RANBP3: variants seen among roughly 807,000 people sequenced by gnomAD.
RANBP3 encodes RAN binding protein 3.
Under a neutral mutation model 77.3 loss-of-function variants are expected in RANBP3, and 14 were observed. That is an observed-to-expected ratio of 0.18 (90% CI 0.12 to 0.28). The LOEUF (loss-of-function observed/expected upper bound fraction) is 0.28, where lower values mean the gene tolerates loss of function less well. RANBP3 is among the 10% of genes least tolerant of loss of function. RANBP3 has a pLI of 1.00. For synonymous variants in RANBP3, 315 were observed against 312.4 expected (o/e 1.01, Z -0.09); for missense variants, 586 against 752.3 (o/e 0.78, Z 2.59).
chr19:5,967,516 G>C (rs544030797), intron 1 of RANBP3, among the ~76,000 whole-genome samples: 2 of 152,048 alleles, frequency 1.3e-5, no homozygotes, highest in African/African-American at 2.4e-5. Flanking sequence ...CATCATAGAC[G>C]CATCCCCATG....
chr19:5,925,009 A>C, intron 10 of RANBP3, 104 bp from the exon 11 acceptor site: 15 of 1,036,696 alleles, frequency 1.4e-5, no homozygotes, highest in Non-Finnish European at 1.8e-5. Context: ...GGCACAGTGG[A>C]GGGGCCTCCG....
chr19:5,951,336 C>A (rs1438540406), intron 3 of RANBP3, 57 bp downstream of exon 3: 13 of 1,464,886 alleles, frequency 8.9e-6, no homozygotes, highest in Non-Finnish European at 1.2e-5. Flanking sequence ...GGGAAAGTGG[C>A]TGGTCTGGGT....
intron 5 of RANBP3, among the ~76,000 whole-genome samples, chr19:5,936,072 T>G (rs1568458064): frequency 6.6e-6 from 1 of 152,232 alleles, no homozygotes; most frequent in Non-Finnish European, 1.5e-5. Context: ...AAGTGATGTC[T>G]GTGGGAAGCC....
chr19:5,969,111 GGGA>G lies in RANBP3; in HGVS notation c.22+8947_22+8949del, dbSNP rs1436773020. Among the ~76,000 whole-genome samples, 14 of 152,310 alleles carry G rather than the reference GGGA, an allele frequency of 9.2e-5. 1 individual carries two copies. In the South Asian group the frequency reaches 1.7e-3, roughly 18 times the overall value. ...AGAGCCTGGAGGCCCATGTTTGGAG[GGGA>G]GGAGAACGGGAAGGGCTGGGTGGAG... On this transcript the variant is annotated intron_variant, in intron 1 of 16. Coordinates refer to ENST00000340578, the MANE Select transcript of RANBP3 (RefSeq NM_007322.3).
chr19:5,957,979 A>G lies in RANBP3; in HGVS notation c.23-6T>C. 1 of 1,614,226 alleles carries G rather than the reference A, an allele frequency of 6.2e-7. No individual in the cohort carries two copies. Among genetic ancestry groups the G allele is most frequent in the Non-Finnish European group, 8.5e-7 (1 of 1,180,032 alleles). ...CGGAGCAATGGCAGGCTTTTCTGCAAAAAGAAAAATTAGTTTTTTTCCCCC... is the reference window on the plus strand; with the variant it reads ...CGGAGCAATGGCAGGCTTTTCTGCAGAAAGAAAAATTAGTTTTTTTCCCCC... On this transcript the variant is annotated splice_polypyrimidine_tract_variant and splice_region_variant and intron_variant, in intron 1 of 16. Transcript: ENST00000340578.
At chr19:5,960,491 A>T (rs1318989399) in intron 1 of RANBP3, among the ~76,000 whole-genome samples, 1 of 152,200 alleles carries the variant, frequency 6.6e-6, no homozygotes, top group Admixed American at 6.5e-5. Context: ...ACCCATTAAG[A>T]TATAAACTCC....
intron 2 of RANBP3, among the ~76,000 whole-genome samples, chr19:5,955,498 G>A (rs1291198670): frequency 6.6e-6 from 1 of 152,190 alleles, no homozygotes; most frequent in Non-Finnish European, 1.5e-5. Context: ...GGTCATACAT[G>A]CAAATTAGCC....
chr19:5,957,268 T>C (rs1278733095), intron 2 of RANBP3, among the ~76,000 whole-genome samples: 1 of 152,174 alleles, frequency 6.6e-6, no homozygotes, highest in African/African-American at 2.4e-5. Context: ...CGTTGTCTTA[T>C]CACAGAACCC....
intron 2 of RANBP3, among the ~76,000 whole-genome samples, chr19:5,957,063 T>C (rs1035406508): frequency 2.6e-5 from 4 of 151,758 alleles, no homozygotes; most frequent in Admixed American, 6.6e-5. Context: ...TTGCAGCGGG[T>C]ATGAGGTGGG....
chr19:5,956,850 G>A (rs145921098), intron 2 of RANBP3, among the ~76,000 whole-genome samples: 2 of 152,356 alleles, frequency 1.3e-5, no homozygotes, highest in African/African-American at 4.8e-5. Flanking sequence ...AGCCACAGGA[G>A]AATGGAGTTG....
At position 5,923,891 on chromosome 19, in the gene RANBP3, G is replaced by A; in HGVS notation, c.1020C>T (p.Val340=). 2 of 1,614,156 alleles carry A rather than the reference G, an allele frequency of 1.2e-6. No homozygotes were observed. Among genetic ancestry groups the A allele is most frequent in the South Asian group, 1.1e-5 (1 of 91,086 alleles). Residue 340 remains valine, a synonymous_variant, in exon 12 of 17, where the codon GTC becomes GTT. Transcript: ENST00000340578. The part of the protein sequence containing the change: ...RVLSPPKLNE[V]SSDANRENAA... ...CATTTTCCCTGTTGGCATCTGAACT[G>A]ACCTCGTTTAATTTTGGGGGGCTCT...
At chr19:5,944,801 C>T (rs1339521158) in intron 3 of RANBP3, among the ~76,000 whole-genome samples, 3 of 152,230 alleles carry the variant, frequency 2.0e-5, no homozygotes, top group Non-Finnish European at 4.4e-5. Context: ...CCCAGGACAT[C>T]CCCACCCCCA....
Position 5,932,741 on chromosome 19 carries a change from C to G in RANBP3, c.473-197G>C. On this transcript the variant is annotated intron_variant, in intron 6 of 16. Transcript: ENST00000340578. ...CTACTGTTATTTTTACATGTGATTA[C>G]ATGAAACTCCCAGTGACCGACGCCT... The G allele has an allele frequency of 5.2e-6, 3 of 578,078 alleles. No homozygotes were observed. The East Asian group carries it at 8.8e-5, about 17-fold the overall frequency. The allele number at this position is 578,078 out of a possible 1,614,324, so 35.8% of individuals were successfully genotyped here.
Position 5,921,153 on chromosome 19 carries a change from G to C in RANBP3, c.1330+48C>G, listed in dbSNP as rs772758509. The C allele has an allele frequency of 3.2e-6, 5 of 1,585,312 alleles. No homozygotes were observed. In the African/African-American group the frequency reaches 4.0e-5, roughly 13 times the overall value. On this transcript the variant is annotated intron_variant, in intron 14 of 16. Coordinates refer to ENST00000340578, the MANE Select transcript of RANBP3 (RefSeq NM_007322.3). This position sits in a 1 kb window ranked among gnomAD's most constrained non-coding sequence, Gnocchi z 5.3. ...TCCCTTTGGAATTGCATAGTCCCCA[G>C]CCCTCCCCATGGGGACCCGGCCACA...
chr19:5,976,930 G>A (rs2058599226), intron 1 of RANBP3, among the ~76,000 whole-genome samples: 3 of 152,140 alleles, frequency 2.0e-5, no homozygotes, highest in South Asian at 4.1e-4. Flanking sequence ...TGTGTGACAC[G>A]CCTTGGATAA....
intron 1 of RANBP3, among the ~76,000 whole-genome samples, chr19:5,966,348 G>C (rs142634827): frequency 6.6e-6 from 1 of 152,108 alleles, no homozygotes; most frequent in African/African-American, 2.4e-5. Flanking sequence ...GCTGATCCCC[G>C]ACAAGACTGC....
At position 5,921,280 on chromosome 19, in the gene RANBP3, G is replaced by C. The variant is rs1474723237; in HGVS notation, c.1251C>G (p.Ser417=). The change falls in exon 14 of 17, where the codon TCC becomes TCG. Residue 417 remains serine, a synonymous_variant. Coordinates refer to ENST00000340578, the MANE Select transcript of RANBP3 (RefSeq NM_007322.3). The surrounding 1 kb of genome is among the most constrained non-coding windows in gnomAD (Gnocchi z 5.3). ...GCAGCCCCCGGCCTCTCTCCACCCA[G>C]GACTGTGAGGTCTTGTCAAAGACAA... is the stretch of plus-strand genomic sequence containing the variant. ...KLFVFDKTSQ[S]WVERGRGLLR... is the part of the protein sequence containing the mutation. The C allele has an allele frequency of 1.2e-6, 2 of 1,613,876 alleles. No individual in the cohort carries two copies. The highest frequency in any genetic ancestry group is 2.2e-5 in the South Asian group (2 of 91,062).
chr19:5,948,981 CT>C (rs985288935), intron 3 of RANBP3, among the ~76,000 whole-genome samples: 3 of 152,306 alleles, frequency 2.0e-5, no homozygotes, highest in Admixed American at 2.0e-4. Flanking sequence ...TATATAGAGA[CT>C]TTTTCCTGGT....
At chr19:5,926,050 A>G (rs913037677) in intron 9 of RANBP3, among the ~76,000 whole-genome samples, 1 of 152,202 alleles carries the variant, frequency 6.6e-6, no homozygotes, top group African/African-American at 2.4e-5. Context: ...CTTCATACCA[A>G]TAACACAACG....
Sources: gnomAD v4.1 joint callset for allele counts (sites outside exome capture counted in the v4.1 genomes callset) on GRCh38, gnomAD v4.1.1 for gene constraint, Gnocchi (gnomAD v3.1) non-coding constraint, MANE v1.5 for transcripts, NCBI Gene and HGNC (gene_info 2026-07-23, HGNC 2026-07-21) for gene names.